Variants in DSE observed in about 807,000 individuals in gnomAD.
DSE encodes the protein dermatan-sulfate epimerase.
A neutral mutation model predicts 84.4 loss-of-function variants in DSE; 36 were observed. The ratio of observed to expected loss-of-function variants is 0.43; its 90% CI spans 0.33 to 0.56. The LOEUF (loss-of-function observed/expected upper bound fraction) is 0.56, where lower values mean the gene tolerates loss of function less well. Among genes scored for constraint, DSE ranks in the 20% least tolerant of loss-of-function variants. The probability of loss-of-function intolerance (pLI) is 0.06; values close to 1 mark genes in which losing one functional copy is unlikely to be tolerated. For synonymous variants in DSE, 410 were observed against 430.1 expected, an observed-to-expected ratio of 0.95 and a Z score of 0.58; for missense variants, 862 against 1,169.6, an observed-to-expected ratio of 0.74 and a Z score of 3.84.
chr6:116,305,360 T>C (rs1775282777), intron 2 of DSE, among the ~76,000 whole-genome samples: 1 of 152,200 alleles, frequency 6.6e-6, no homozygotes, highest in Non-Finnish European at 1.5e-5. Flanking sequence ...AAACATATTG[T>C]TGCTTTAAAA....
At chr6:116,379,232 G>A (rs1780089631) in intron 1 of DSE, among the ~76,000 whole-genome samples, 1 of 152,016 alleles carries the variant, frequency 6.6e-6, no homozygotes, top group South Asian at 2.1e-4. Context: ...TGGGTCAGTG[G>A]GCTTGAAGGA....
intron 2 of DSE, among the ~76,000 whole-genome samples, chr6:116,359,258 T>C (rs1334505376): frequency 6.6e-6 from 1 of 152,126 alleles, no homozygotes; most frequent in Non-Finnish European, 1.5e-5. Context: ...TTAGAGTACA[T>C]AACAATTCTT....
intron 2 of DSE, among the ~76,000 whole-genome samples, chr6:116,424,652 G>T (rs1488543377): frequency 1.3e-5 from 2 of 152,142 alleles, no homozygotes; most frequent in Non-Finnish European, 2.9e-5. Flanking sequence ...GAAGAAAAAA[G>T]TCCTGCCCTT....
Position 116,441,994 on chromosome 6 carries a change from T to G in DSE, c.*4649T>G, listed in dbSNP as rs1784444965. The G allele has an allele frequency of 6.6e-6, 1 of 152,178 alleles. No individual in the cohort carries two copies. The highest frequency in any genetic ancestry group is 2.1e-4 in the South Asian group (1 of 4,828). 9.4% of individuals were successfully genotyped at this position (152,178 alleles called of 1,614,324 possible). A position where few individuals can be genotyped will look rare whatever the true frequency, so the allele number is the denominator to read the frequency against. On this transcript the variant is annotated 3_prime_UTR_variant, in exon 6 of 6. Coordinates refer to ENST00000644252, the MANE Select transcript of DSE (RefSeq NM_013352.4). ...AAGTAGTGGTAAGTACTGTGGAGAA[T>G]AAAGCAAGGGGAGGGGATGTAAGGT...
chr6:116,369,838 T>G, upstream of DSE: 1 of 1,165,580 alleles, frequency 8.6e-7, no homozygotes. Flanking sequence ...TGAGAACCTC[T>G]GAGGATAGAG....
intron 2 of DSE, among the ~76,000 whole-genome samples, chr6:116,414,972 T>G (rs1328268692): frequency 6.6e-6 from 1 of 152,238 alleles, no homozygotes; most frequent in African/African-American, 2.4e-5. Context: ...GAAGTAATGC[T>G]GCATCTTTTT....
chr6:116,403,789 A>G (rs977439794), intron 2 of DSE, among the ~76,000 whole-genome samples: 4 of 152,216 alleles, frequency 2.6e-5, no homozygotes, highest in South Asian at 2.1e-4. Context: ...GAAGTTTCCC[A>G]TAGGGCTTTT....
At chr6:116,330,920 A>G (rs1583030294) in intron 2 of DSE, among the ~76,000 whole-genome samples, 1 of 152,340 alleles carries the variant, frequency 6.6e-6, no homozygotes, top group South Asian at 2.1e-4. Flanking sequence ...TACAACATGT[A>G]TATATGAAAT....
intron 2 of DSE, among the ~76,000 whole-genome samples, chr6:116,272,833 T>C (rs984879806): frequency 1.3e-5 from 2 of 152,198 alleles, no homozygotes; most frequent in African/African-American, 2.4e-5. Flanking sequence ...GAAATTAAAA[T>C]TGAGAGGAAG....
At position 116,439,469 on chromosome 6, in the gene DSE, C is replaced by A. The variant is rs1435990341; in HGVS notation, c.*2124C>A. The A allele has an allele frequency of 6.8e-6, 1 of 147,362 alleles. No homozygotes were observed. The highest frequency in any genetic ancestry group is 2.5e-5 in the African/African-American group (1 of 39,760). 9.1% of individuals were successfully genotyped at this position (147,362 alleles called of 1,614,324 possible). A position where few individuals can be genotyped will look rare whatever the true frequency, so the allele number is the denominator to read the frequency against. The stretch of plus-strand genomic sequence containing the variant: ...TTCTAATGAACCTGGTATTTATTTC[C>A]TTAAAAAGAAACTTCCTCAGGCAGT... On this transcript the variant is annotated 3_prime_UTR_variant, in exon 6 of 6. Transcript: ENST00000644252.
intron 2 of DSE, among the ~76,000 whole-genome samples, chr6:116,348,652 G>A (rs893970388): frequency 8.5e-5 from 13 of 152,234 alleles, no homozygotes; most frequent in Admixed American, 7.8e-4. Context: ...TATAAATCAT[G>A]CTGCTATAAA....
At chr6:116,431,231 A>G in intron 4 of DSE, 38 bp downstream of exon 4, 4 of 1,602,036 alleles carry the variant, frequency 2.5e-6, no homozygotes, top group Non-Finnish European at 3.4e-6. Context: ...ACATTAAACT[A>G]TTGTAATTTT....
rs74421784 is a variant in DSE at position 116,289,007 on chromosome 6, A to G, written c.-54+30040A>G. ...CTTATCCACTGGCTCACATAACATA[A>G]AAAGGATAATCCAAATATTATGTTG... is the stretch of plus-strand genomic sequence containing the variant. On this transcript the variant is annotated intron_variant, in intron 2 of 3. Coordinates refer to the DSE transcript ENST00000430252. 4.6e-5 allele frequency among the ~76,000 whole-genome samples: 7 copies of G among 152,216 alleles called. No individual in the cohort carries two copies. The East Asian group carries it at 1.3e-3, about 29-fold the overall frequency.
At chr6:116,310,899 T>C (rs1775657068) in intron 2 of DSE, among the ~76,000 whole-genome samples, 1 of 152,250 alleles carries the variant, frequency 6.6e-6, no homozygotes, top group Non-Finnish European at 1.5e-5. Flanking sequence ...GAATGTCTTG[T>C]GTGGCCACAG....
intron 2 of DSE, among the ~76,000 whole-genome samples, chr6:116,404,247 T>C (rs949786271): frequency 3.9e-5 from 6 of 152,204 alleles, no homozygotes; most frequent in Admixed American, 3.9e-4. Context: ...TGGAAAACAT[T>C]ACAGATCCTG....
chr6:116,354,130 TA>T (rs1015118534), intron 2 of DSE, among the ~76,000 whole-genome samples: 6 of 152,136 alleles, frequency 3.9e-5, no homozygotes, highest in African/African-American at 1.4e-4. Flanking sequence ...AAAAAAAGAA[TA>T]ATATTAGTTC....
intron 2 of DSE, chr6:116,279,757 G>A: frequency 6.2e-7 from 1 of 1,612,196 alleles, no homozygotes; most frequent in Non-Finnish European, 8.5e-7. Context: ...CTGGTCGCTC[G>A]GGACTTGGTC....
At position 116,431,244 on chromosome 6, in the gene DSE, C is replaced by T. The variant is rs1397272922; in HGVS notation, c.910+51C>T. The T allele has an allele frequency of 2.5e-6, 4 of 1,595,700 alleles. No individual in the cohort carries two copies. In the Admixed American group the frequency reaches 5.1e-5, roughly 20 times the overall value. ...AAACATTAAACTATTGTAATTTTTT[C>T]TGATTATGAAAATGAGCTAGACTAG... On this transcript the variant is annotated intron_variant, in intron 4 of 5. Transcript: ENST00000644252.
At chr6:116,292,240 T>C (rs1005718568) in intron 2 of DSE, among the ~76,000 whole-genome samples, 1 of 151,900 alleles carries the variant, frequency 6.6e-6, no homozygotes, top group Non-Finnish European at 1.5e-5. Context: ...GTGGCACAAG[T>C]AGAGGAAACT....
Sources: allele counts gnomAD v4.1 joint callset (sites outside exome capture counted in the v4.1 genomes callset), GRCh38; gene constraint gnomAD v4.1.1; transcripts MANE v1.5; gene names NCBI Gene and HGNC (gene_info 2026-07-23, HGNC 2026-07-21).